Variants in SCAI observed in about 807,000 individuals in gnomAD.
SCAI encodes the protein protein SCAI.
SCAI carries 24 observed loss-of-function variants against 92.2 expected under a neutral mutation model. That is an observed-to-expected ratio of 0.26 (90% CI 0.19 to 0.37). The LOEUF is 0.37. SCAI is among the 10% of genes least tolerant of loss of function. SCAI has a pLI of 1.00. For synonymous variants in SCAI, 261 were observed against 258.6 expected (o/e 1.01, Z -0.09); for missense variants, 450 against 736.2 (o/e 0.61, Z 4.50).
rs185665056 is a variant in SCAI at position 124,996,631 on chromosome 9, T to A, written c.1245-1616A>T. 3.5e-3 allele frequency among the ~76,000 whole-genome samples: 533 copies of A among 151,982 alleles called. 3 individuals are homozygous for A. Among genetic ancestry groups the A allele is most frequent in the African/African-American group, 0.01 (423 of 41,448 alleles). On this transcript the variant is annotated intron_variant, in intron 13 of 17. Transcript: ENST00000336505. ...CAATACAGTATTTTCATTTATTTTTTTTTATTTATTTATTTTGAGATGGAG... is the reference window on the plus strand; with the variant it reads ...CAATACAGTATTTTCATTTATTTTTATTTATTTATTTATTTTGAGATGGAG...
chr9:125,123,594 T>G (rs1340497068), intron 2 of SCAI, among the ~76,000 whole-genome samples: 1 of 151,944 alleles, frequency 6.6e-6, no homozygotes, highest in African/African-American at 2.4e-5. Context: ...AGCTAACACG[T>G]GAAACCCCGT....
At chr9:125,082,815 A>G (rs1314910033) in intron 2 of SCAI, among the ~76,000 whole-genome samples, 1 of 152,214 alleles carries the variant, frequency 6.6e-6, no homozygotes, top group Non-Finnish European at 1.5e-5. Context: ...GTATTTATCC[A>G]ATGCTTGTAC....
At chr9:125,110,140 G>A (rs972979999) in intron 2 of SCAI, among the ~76,000 whole-genome samples, 1 of 152,166 alleles carries the variant, frequency 6.6e-6, no homozygotes, top group African/African-American at 2.4e-5. Flanking sequence ...TATTATGTTG[G>A]TATGACACCA....
At chr9:125,071,408 AG>A (rs140949978) in intron 2 of SCAI, among the ~76,000 whole-genome samples, 1,918 of 152,286 alleles carry the variant, frequency 0.013, 100 homozygotes, top group Admixed American at 0.082. Context: ...AAAGAAAAAA[AG>A]TTACATGTTA....
chr9:124,996,068 C>T (rs1192351889), intron 13 of SCAI, among the ~76,000 whole-genome samples: 1 of 152,006 alleles, frequency 6.6e-6, no homozygotes, highest in Non-Finnish European at 1.5e-5. Flanking sequence ...AAAAGTTTTT[C>T]TTTTATTGAC....
At chr9:125,003,592 A>T in intron 9 of SCAI, 22 bp from the exon 10 acceptor site, 1 of 1,474,522 alleles carries the variant, frequency 6.8e-7, no homozygotes, top group Non-Finnish European at 9.4e-7. Context: ...AAAAAAACAA[A>T]CACAACCTAG....
At chr9:125,027,166 A>T (rs1263126072) in intron 5 of SCAI, among the ~76,000 whole-genome samples, 1 of 152,112 alleles carries the variant, frequency 6.6e-6, no homozygotes, top group Non-Finnish European at 1.5e-5. Flanking sequence ...CATTATCCTC[A>T]TTCTTTGAAG....
intron 2 of SCAI, among the ~76,000 whole-genome samples, chr9:125,126,501 T>G (rs1020236931): frequency 6.8e-6 from 1 of 148,130 alleles, no homozygotes; most frequent in African/African-American, 2.5e-5. Context: ...AGAAGCCAGT[T>G]TTTTTAAAAC....
chr9:124,996,122 G>A (rs1233689833), intron 13 of SCAI, among the ~76,000 whole-genome samples: 4 of 147,044 alleles, frequency 2.7e-5, no homozygotes, highest in Non-Finnish European at 5.9e-5. Flanking sequence ...GTGATGACTT[G>A]TTAATGCATA....
intron 9 of SCAI, among the ~76,000 whole-genome samples, chr9:125,013,091 T>C (rs576751319): frequency 2.6e-5 from 4 of 151,954 alleles, no homozygotes; most frequent in South Asian, 2.1e-4. Flanking sequence ...AGATCCAAAA[T>C]TGACACCCTA....
At chr9:125,092,459 A>G (rs551603972) in intron 2 of SCAI, among the ~76,000 whole-genome samples, 2 of 152,180 alleles carry the variant, frequency 1.3e-5, no homozygotes. Context: ...TCAAACAACA[A>G]CAACAACAAA....
chr9:124,995,137 G>A, intron 13 of SCAI, 122 bp from the exon 14 acceptor site: 1 of 606,718 alleles, frequency 1.6e-6, no homozygotes, highest in Non-Finnish European at 2.8e-6. Context: ...ACAAAGACTA[G>A]TTAAGCAAAG....
At position 124,953,879 on chromosome 9, in the gene SCAI, A is replaced by T. The variant is rs563840437; in HGVS notation, c.1675-926T>A. The stretch of plus-strand genomic sequence containing the variant: ...ACTCACTCACACATTACAAAAATAA[A>T]TTTTTTTTTTTGAGATAAAATCTCA... On this transcript the variant is annotated intron_variant, in intron 17 of 17. Coordinates refer to ENST00000336505, the MANE Select transcript of SCAI (RefSeq NM_001144877.3). Among the ~76,000 whole-genome samples the T allele has an allele frequency of 8.7e-5, 13 of 149,980 alleles. No individual in the cohort carries two copies. In the East Asian group the frequency reaches 1.9e-3, roughly 22 times the overall value.
At chr9:124,997,236 C>T (rs1832256253) in intron 13 of SCAI, among the ~76,000 whole-genome samples, 1 of 152,166 alleles carries the variant, frequency 6.6e-6, no homozygotes, top group South Asian at 2.1e-4. Context: ...CATGATGGAT[C>T]ATAGTCATGC....
intron 2 of SCAI, among the ~76,000 whole-genome samples, chr9:125,092,041 A>T (rs1436672201): frequency 6.7e-6 from 1 of 149,700 alleles, no homozygotes; most frequent in Non-Finnish European, 1.5e-5. Context: ...GAGGCAGGAG[A>T]ATGGCGTGAA....
chr9:125,004,754 TATATATATATATATATATA>T (rs1564374515), intron 9 of SCAI, among the ~76,000 whole-genome samples: 218 of 10,950 alleles, frequency 0.02, 9 homozygotes, highest in Non-Finnish European at 0.03. Flanking sequence ...TATATATATA[TATATATATATATATATATA>T]TATATATTTT....
At position 125,049,177 on chromosome 9, in the gene SCAI, TATAATA is replaced by T. The variant is rs531759241; in HGVS notation, c.230+6693_230+6698del. On this transcript the variant is annotated intron_variant, in intron 3 of 17. Transcript: ENST00000336505. ...ACACAATATATACTATTATATGTAC[TATAATA>T]ATAATATTATATATACTATCAGTGG... Among the ~76,000 whole-genome samples the T allele has an allele frequency of 2.1e-4, 32 of 152,050 alleles. No individual in the cohort carries two copies. The South Asian group carries it at 6.0e-3, about 29-fold the overall frequency.
intron 2 of SCAI, among the ~76,000 whole-genome samples, chr9:125,068,653 T>A (rs1376448777): frequency 6.6e-6 from 1 of 152,002 alleles, no homozygotes; most frequent in Non-Finnish European, 1.5e-5. Context: ...CAAAACCCCA[T>A]CTCAATTATT....
At chr9:125,015,190 A>G (rs1388213409) in intron 9 of SCAI, among the ~76,000 whole-genome samples, 1 of 152,230 alleles carries the variant, frequency 6.6e-6, no homozygotes, top group Non-Finnish European at 1.5e-5. Flanking sequence ...ATGGGATCTA[A>G]TTAAACTAAA....
Sources: allele counts gnomAD v4.1 joint callset (sites outside exome capture counted in the v4.1 genomes callset), GRCh38; gene constraint gnomAD v4.1.1; transcripts MANE v1.5; gene names NCBI Gene and HGNC (gene_info 2026-07-23, HGNC 2026-07-21).